Variants in EYS observed in about 807,000 individuals in gnomAD.
The protein encoded by EYS is EGF-like photoreceptor maintenance factor, also known as protein eyes shut homolog.
A neutral mutation model predicts 282.1 loss-of-function variants in EYS; 250 were observed. That is an observed-to-expected ratio of 0.89 (90% CI 0.80 to 0.98). The LOEUF is 0.98. EYS is among the 50% of genes least tolerant of loss of function. The probability of loss-of-function intolerance (pLI) is 0.00; values close to 1 mark genes in which losing one functional copy is unlikely to be tolerated. For missense variants in EYS, 4,016 were observed against 3,709.0 expected, an observed-to-expected ratio of 1.08 and a Z score of -2.15; for synonymous variants, 1,355 against 1,282.9, an observed-to-expected ratio of 1.06 and a Z score of -1.20.
At position 64,491,239 on chromosome 6, in the gene EYS, A is replaced by G. The variant is rs1776729807; in HGVS notation, c.5645-51887T>C. Among the ~76,000 whole-genome samples the G allele has an allele frequency of 2.0e-5, 3 of 151,134 alleles. No individual in the cohort carries two copies. The South Asian group carries it at 6.2e-4, about 31-fold the overall frequency. On this transcript the variant is annotated intron_variant, in intron 26 of 42. Coordinates refer to ENST00000503581, the MANE Select transcript of EYS (RefSeq NM_001142800.2). ...AATTTAGAAAAAATATTATGTTTGC[A>G]CATAAAGCTTTGTTACCCTAAAATG...
intron 12 of EYS, among the ~76,000 whole-genome samples, chr6:65,197,047 C>CT (rs760056717): frequency 3.9e-5 from 6 of 151,984 alleles, no homozygotes; most frequent in Non-Finnish European, 8.8e-5. Context: ...TTAAACAAGG[C>CT]TTTTCCAAAG....
At chr6:65,696,853 A>G (rs1769474589) in intron 1 of EYS, among the ~76,000 whole-genome samples, 1 of 152,042 alleles carries the variant, frequency 6.6e-6, no homozygotes, top group South Asian at 2.1e-4. Flanking sequence ...AAAATCATCC[A>G]GAGTACTTAG....
chr6:65,449,475 C>G lies in EYS; in HGVS notation c.862+41119G>C, dbSNP rs142705312. On this transcript the variant is annotated intron_variant, in intron 5 of 42. Coordinates refer to ENST00000503581, the MANE Select transcript of EYS (RefSeq NM_001142800.2). ...AAACCTTATAAATTTCTATTGAAAT[C>G]TGTACAATTGAAAACAAAAGAACAA... is the stretch of plus-strand genomic sequence containing the variant. 1.3e-5 allele frequency among the ~76,000 whole-genome samples: 2 copies of G among 152,124 alleles called. 1 individual carries two copies. The highest frequency in any genetic ancestry group is 1.3e-4 in the Admixed American group (2 of 15,244).
At chr6:64,879,785 A>G (rs1423071222) in intron 19 of EYS, among the ~76,000 whole-genome samples, 1 of 152,094 alleles carries the variant, frequency 6.6e-6, no homozygotes, top group Non-Finnish European at 1.5e-5. Flanking sequence ...GTAAGAAAAC[A>G]TATTTGGTTA....
intron 12 of EYS, among the ~76,000 whole-genome samples, chr6:65,189,464 C>A (rs550379788): frequency 6.6e-6 from 1 of 151,866 alleles, no homozygotes; most frequent in South Asian, 2.1e-4. Flanking sequence ...AAGATCAATG[C>A]TGCTGAGTGC....
rs559146628 is a variant in EYS at position 64,489,921 on chromosome 6, G to A, written c.5645-50569C>T. 8.6e-5 allele frequency among the ~76,000 whole-genome samples: 13 copies of A among 150,826 alleles called. No homozygotes were observed. The South Asian group carries it at 2.1e-3, about 24-fold the overall frequency. Reference sequence around the variant, plus strand: ...TTAGAGGACACATGCTTCATGAAGAGGCCTCACAAATGAATAACGTAATGA... The same window carrying A: ...TTAGAGGACACATGCTTCATGAAGAAGCCTCACAAATGAATAACGTAATGA... On this transcript the variant is annotated intron_variant, in intron 26 of 42. Coordinates refer to ENST00000503581, the MANE Select transcript of EYS (RefSeq NM_001142800.2).
intron 22 of EYS, among the ~76,000 whole-genome samples, chr6:64,743,985 A>G (rs1380329422): frequency 1.3e-5 from 2 of 152,138 alleles, no homozygotes; most frequent in Non-Finnish European, 2.9e-5. Context: ...TCTATAATGC[A>G]TAGATGACTC....
At chr6:63,947,452 G>A (rs1765432472) in intron 35 of EYS, among the ~76,000 whole-genome samples, 1 of 151,838 alleles carries the variant, frequency 6.6e-6, no homozygotes, top group Non-Finnish European at 1.5e-5. Context: ...AATAATTACT[G>A]CTATTAGCCT....
At chr6:64,710,519 CT>C (rs1771173307) in intron 22 of EYS, among the ~76,000 whole-genome samples, 1 of 152,192 alleles carries the variant, frequency 6.6e-6, no homozygotes, top group Admixed American at 6.5e-5. Flanking sequence ...GAATTGGGCC[CT>C]TGAGCCGCTT....
Position 65,165,244 on chromosome 6 carries a change from G to T in EYS, c.2024-107517C>A, listed in dbSNP as rs373268228. On this transcript the variant is annotated intron_variant, in intron 12 of 42. Transcript: ENST00000503581. The stretch of plus-strand genomic sequence containing the variant: ...TATCTATATTTTAAATCTCACAGGG[G>T]TTATTTTTTATCCCTTAGCTTTGCA... Among the ~76,000 whole-genome samples, 9 of 149,018 alleles carry T rather than the reference G, an allele frequency of 6.0e-5. No individual in the cohort carries two copies. In the East Asian group the frequency reaches 1.2e-3, roughly 20 times the overall value.
intron 35 of EYS, among the ~76,000 whole-genome samples, chr6:63,925,184 C>G (rs909508022): frequency 6.6e-6 from 1 of 152,116 alleles, no homozygotes; most frequent in African/African-American, 2.4e-5. Flanking sequence ...ATTAAAATGC[C>G]CTAGTAAGGG....
intron 30 of EYS, among the ~76,000 whole-genome samples, chr6:64,304,415 TAACAC>T (rs1441455297): frequency 6.6e-6 from 1 of 152,138 alleles, no homozygotes; most frequent in African/African-American, 2.4e-5. Flanking sequence ...ATAGAGGACT[TAACAC>T]AACAAACCAA....
intron 19 of EYS, among the ~76,000 whole-genome samples, chr6:64,827,532 T>A (rs1022256277): frequency 3.3e-5 from 5 of 151,900 alleles, no homozygotes; most frequent in African/African-American, 1.2e-4. Context: ...TAAATTGTGA[T>A]AACATTTTGA....
chr6:65,285,673 T>C (rs1220542208), intron 12 of EYS, among the ~76,000 whole-genome samples: 2 of 151,996 alleles, frequency 1.3e-5, no homozygotes, highest in Non-Finnish European at 2.9e-5. Context: ...TACAAAAATA[T>C]AAATTGTATA....
chr6:65,558,426 A>C (rs1260720683), intron 2 of EYS, among the ~76,000 whole-genome samples: 1 of 152,234 alleles, frequency 6.6e-6, no homozygotes, highest in Non-Finnish European at 1.5e-5. Flanking sequence ...GACCAGGAGC[A>C]GGCACTTACG....
At chr6:63,979,175 G>A (rs1386249049) in intron 35 of EYS, among the ~76,000 whole-genome samples, 4 of 151,836 alleles carry the variant, frequency 2.6e-5, no homozygotes, top group Admixed American at 2.6e-4. Context: ...ACCTATTTTG[G>A]TAAATAAAGT....
chr6:65,655,498 T>C (rs1050612196), intron 1 of EYS, among the ~76,000 whole-genome samples: 2 of 151,758 alleles, frequency 1.3e-5, no homozygotes, highest in African/African-American at 2.4e-5. Flanking sequence ...AAAATGGCAC[T>C]TTACCTCTTT....
intron 15 of EYS, 101 bp downstream of exon 15, chr6:64,945,692 T>C: frequency 9.2e-7 from 1 of 1,084,060 alleles, no homozygotes. Context: ...ATGGTTATTT[T>C]AATTAAATGT....
rs1034584747 is a variant in EYS at position 64,205,213 on chromosome 6, A to G, written c.6424+25379T>C. ...TTCCATAGAAACCAAAAAAATTTGCATAATTCTATTTCTTTACAAACTTTT... is the reference window on the plus strand; with the variant it reads ...TTCCATAGAAACCAAAAAAATTTGCGTAATTCTATTTCTTTACAAACTTTT... On this transcript the variant is annotated intron_variant, in intron 31 of 42. Transcript: ENST00000503581. Among the ~76,000 whole-genome samples the G allele has an allele frequency of 3.3e-5, 5 of 152,318 alleles. No individual in the cohort carries two copies. The East Asian group carries it at 5.8e-4, about 18-fold the overall frequency.
Sources: gnomAD v4.1 joint callset for allele counts (sites outside exome capture counted in the v4.1 genomes callset) on GRCh38, gnomAD v4.1.1 for gene constraint, MANE v1.5 for transcripts, NCBI Gene and HGNC (gene_info 2026-07-23, HGNC 2026-07-21) for gene names.